The following DENND1A variants were observed in gnomAD, a reference collection of about 807,000 sequenced individuals.
DENND1A encodes the protein DENN domain-containing protein 1A.
A neutral mutation model predicts 113.7 loss-of-function variants in DENND1A; 51 were observed. That is an observed-to-expected ratio of 0.45 (90% confidence interval 0.36 to 0.57). DENND1A has a LOEUF of 0.57. DENND1A is among the 20% of genes least tolerant of loss of function. The pLI is 0.00. For synonymous variants in DENND1A, 565 were observed against 570.8 expected (o/e 0.99, Z 0.14); for missense variants, 1,258 against 1,395.9 (o/e 0.90, Z 1.57).
At chr9:123,606,987 A>T (rs1221373585) in intron 11 of DENND1A, among the ~76,000 whole-genome samples, 5 of 152,218 alleles carry the variant, frequency 3.3e-5, no homozygotes, top group Non-Finnish European at 5.9e-5. Flanking sequence ...GATCAGCAGG[A>T]GCACAAGCTA....
intron 8 of DENND1A, among the ~76,000 whole-genome samples, chr9:123,661,669 A>C (rs1019328452): frequency 6.6e-6 from 1 of 152,240 alleles, no homozygotes; most frequent in Non-Finnish European, 1.5e-5. Flanking sequence ...AAGGCTCTAC[A>C]GTGAAAGTTA....
rs987241110 is a variant in DENND1A, at chr9:123,672,579, T to C, written c.373-1208A>G. On this transcript the variant is annotated intron_variant, in intron 6 of 23. Transcript: ENST00000394215. The stretch of plus-strand genomic sequence containing the variant: ...CATGTGTTGACAATTTAAATATCAT[T>C]GTAACAGTATTAAGAGGCAGGACCT... Among the ~76,000 whole-genome samples the C allele has an allele frequency of 3.3e-5, 5 of 152,182 alleles. No individual in the cohort carries two copies. In the South Asian group the frequency reaches 6.2e-4, roughly 19 times the overall value.
At chr9:123,523,912 A>T (rs943326761) in intron 13 of DENND1A, among the ~76,000 whole-genome samples, 1 of 152,202 alleles carries the variant, frequency 6.6e-6, no homozygotes, top group Non-Finnish European at 1.5e-5. Flanking sequence ...TGGGCAGAGG[A>T]CCTGAAACTC....
At chr9:123,848,703 A>C (rs10818883) in intron 2 of DENND1A, among the ~76,000 whole-genome samples, 107,932 of 152,162 alleles carry the variant, frequency 0.71, 42,074 homozygotes, top group East Asian at 0.91. Context: ...GCTCAAAGTT[A>C]GTCTTCTTGT....
intron 2 of DENND1A, among the ~76,000 whole-genome samples, chr9:123,800,271 A>C (rs1379644484): frequency 6.6e-6 from 1 of 152,216 alleles, no homozygotes; most frequent in Non-Finnish European, 1.5e-5. Context: ...TTGCTTTCTA[A>C]GTTTGCATAC....
At chr9:123,484,143 C>T (rs1469011449) in intron 13 of DENND1A, among the ~76,000 whole-genome samples, 1 of 152,150 alleles carries the variant, frequency 6.6e-6, no homozygotes, top group Non-Finnish European at 1.5e-5. Context: ...TCCTAGCAGC[C>T]ATGGTGGGAA....
At chr9:123,680,981 C>G (rs901994047) in intron 5 of DENND1A, among the ~76,000 whole-genome samples, 1 of 152,056 alleles carries the variant, frequency 6.6e-6, no homozygotes, top group African/African-American at 2.4e-5. Flanking sequence ...CCCGAAGGGG[C>G]AACCTGGTGT....
chr9:123,454,261 G>A (rs1256509414), intron 16 of DENND1A, among the ~76,000 whole-genome samples: 2 of 152,160 alleles, frequency 1.3e-5, no homozygotes, highest in South Asian at 4.2e-4. Context: ...GCAAGATTTC[G>A]AATTCTTTAG....
intron 21 of DENND1A, among the ~76,000 whole-genome samples, chr9:123,389,682 G>C (rs6478609): frequency 0.094 from 14,255 of 152,308 alleles, 729 homozygotes; most frequent in Middle Eastern, 0.15. Context: ...TGGTGGTATG[G>C]TGAGTAAATA....
intron 18 of DENND1A, among the ~76,000 whole-genome samples, chr9:123,446,826 AAAAAG>A (rs1456565391): frequency 1.3e-5 from 2 of 152,202 alleles, no homozygotes; most frequent in Non-Finnish European, 2.9e-5. Flanking sequence ...ACAAAATAAA[AAAAAG>A]AAAAGAAGAA....
intron 13 of DENND1A, among the ~76,000 whole-genome samples, chr9:123,460,328 C>A (rs2048431595): frequency 6.6e-6 from 1 of 152,178 alleles, no homozygotes; most frequent in Admixed American, 6.5e-5. Context: ...AAGTTTTGTT[C>A]TCACTCTTGG....
At chr9:123,821,652 T>C (rs1428084788) in intron 2 of DENND1A, among the ~76,000 whole-genome samples, 1 of 152,232 alleles carries the variant, frequency 6.6e-6, no homozygotes, top group Non-Finnish European at 1.5e-5. Context: ...CCCAGAATAA[T>C]GTTACTCCAT....
chr9:123,871,274 G>C (rs7875442), intron 2 of DENND1A, among the ~76,000 whole-genome samples: 4 of 152,058 alleles, frequency 2.6e-5, no homozygotes, highest in Admixed American at 6.5e-5. Context: ...AGTAAAGACA[G>C]GGTTTCATCA....
rs10986038 is a variant in DENND1A at position 123,529,748 on chromosome 9, C to T, written c.993+27822G>A. On this transcript the variant is annotated intron_variant, in intron 13 of 23. Coordinates refer to ENST00000394215, the MANE Select transcript of DENND1A (RefSeq NM_001352964.2). Reference sequence around the variant, plus strand: ...GGGTCTGAAGTCACATTCATCTTCCCAATTCATCCACCCACATGATAGAAT... The same window carrying T: ...GGGTCTGAAGTCACATTCATCTTCCTAATTCATCCACCCACATGATAGAAT... 5.5e-3 allele frequency among the ~76,000 whole-genome samples: 831 copies of T among 152,312 alleles called. 12 individuals carry two copies. Among genetic ancestry groups the T allele is most frequent in the African/African-American group, 0.019 (788 of 41,560 alleles).
intron 2 of DENND1A, among the ~76,000 whole-genome samples, chr9:123,799,195 C>G (rs1405766752): frequency 6.6e-6 from 1 of 151,928 alleles, no homozygotes; most frequent in Non-Finnish European, 1.5e-5. Context: ...GATGGAACAC[C>G]CACTATTTGC....
Position 123,586,979 on chromosome 9 carries a change from T to C in DENND1A, c.766-3709A>G, listed in dbSNP as rs563097814. Among the ~76,000 whole-genome samples, 133 of 152,080 alleles carry C rather than the reference T, an allele frequency of 8.7e-4. 1 individual carries two copies. The highest frequency in any genetic ancestry group is 8.1e-3 in the South Asian group (39 of 4,802). On this transcript the variant is annotated intron_variant, in intron 11 of 23. Coordinates refer to ENST00000394215, the MANE Select transcript of DENND1A (RefSeq NM_001352964.2). The stretch of plus-strand genomic sequence containing the variant: ...GCGGGATCTGGCCAGCAGCCCGCAA[T>C]GCAACGGGGCTCTCTCTTTGTTCCC...
intron 13 of DENND1A, among the ~76,000 whole-genome samples, chr9:123,538,847 TA>T (rs2056045728): frequency 8.5e-6 from 1 of 118,110 alleles, no homozygotes; most frequent in Non-Finnish European, 1.8e-5. Context: ...TATATATATA[TA>T]TATATATATA....
chr9:123,827,000 A>G (rs1186202142), intron 2 of DENND1A, among the ~76,000 whole-genome samples: 1 of 152,226 alleles, frequency 6.6e-6, no homozygotes, highest in Admixed American at 6.5e-5. Flanking sequence ...GTGTGGATTT[A>G]AAAGTATACA....
chr9:123,536,216 TC>T (rs1266245328), intron 13 of DENND1A, among the ~76,000 whole-genome samples: 1 of 152,134 alleles, frequency 6.6e-6, no homozygotes, highest in African/African-American at 2.4e-5. Flanking sequence ...GTAGCTCACA[TC>T]CCGGCACTTT....
Sources: gnomAD v4.1 joint callset for allele counts (sites outside exome capture counted in the v4.1 genomes callset) on GRCh38, gnomAD v4.1.1 for gene constraint, MANE v1.5 for transcripts, NCBI Gene and HGNC (gene_info 2026-07-23, HGNC 2026-07-21) for gene names.